The following ARHGAP42 variants were observed in gnomAD, a reference collection of about 807,000 sequenced individuals.
The protein encoded by ARHGAP42 is Rho GTPase activating protein 42.
A neutral mutation model predicts 125.0 loss-of-function variants in ARHGAP42; 63 were observed. That is an observed-to-expected ratio of 0.50 (90% CI 0.41 to 0.62). The LOEUF (loss-of-function observed/expected upper bound fraction) is 0.62. Among genes scored for constraint, ARHGAP42 ranks in the 20% least tolerant of loss-of-function variants. ARHGAP42 has a pLI of 0.00. For missense variants in ARHGAP42, 766 were observed against 1,024.2 expected, an observed-to-expected ratio of 0.75 and a Z score of 3.44; for synonymous variants, 339 against 351.0, an observed-to-expected ratio of 0.97 and a Z score of 0.38.
At chr11:100,736,288 C>CA (rs143414904) in intron 1 of ARHGAP42, among the ~76,000 whole-genome samples, 6,736 of 152,264 alleles carry the variant, frequency 0.044, 299 homozygotes, top group East Asian at 0.23. Context: ...CCGTTTTCCA[C>CA]AGTAGCCTCA....
At chr11:100,727,628 G>C (rs73573395) in intron 1 of ARHGAP42, among the ~76,000 whole-genome samples, 1 of 152,110 alleles carries the variant, frequency 6.6e-6, no homozygotes, top group Non-Finnish European at 1.5e-5. Flanking sequence ...ATGAGGTTCC[G>C]GGAGCTTCCG....
At chr11:100,852,906 C>A (rs1250606926) in intron 3 of ARHGAP42, among the ~76,000 whole-genome samples, 3 of 152,106 alleles carry the variant, frequency 2.0e-5, no homozygotes, top group African/African-American at 7.2e-5. Flanking sequence ...AGTAACCTTA[C>A]CAGTATCCCC....
chr11:100,972,018 G>C (rs114016808), intron 17 of ARHGAP42, among the ~76,000 whole-genome samples: 1,699 of 152,246 alleles, frequency 0.011, 33 homozygotes, highest in African/African-American at 0.038. Flanking sequence ...AGGAAACTTG[G>C]AATGAAACTC....
chr11:100,937,631 A>G (rs1288041712), intron 8 of ARHGAP42, among the ~76,000 whole-genome samples: 1 of 152,180 alleles, frequency 6.6e-6, no homozygotes, highest in Admixed American at 6.6e-5. Context: ...AGGAGGTACC[A>G]TCCTTGGATT....
chr11:100,841,453 T>C (rs1470889481), intron 3 of ARHGAP42, among the ~76,000 whole-genome samples: 1 of 152,180 alleles, frequency 6.6e-6, no homozygotes, highest in African/African-American at 2.4e-5. Flanking sequence ...TATAACACTT[T>C]TATGAATAGC....
At chr11:100,842,481 T>A (rs141576205) in intron 3 of ARHGAP42, among the ~76,000 whole-genome samples, 132 of 152,234 alleles carry the variant, frequency 8.7e-4, no homozygotes, top group African/African-American at 2.9e-3. Flanking sequence ...GACAATTAGC[T>A]TCCAGGGCCC....
At chr11:100,773,396 G>C (rs1422018033) in intron 2 of ARHGAP42, among the ~76,000 whole-genome samples, 1 of 152,128 alleles carries the variant, frequency 6.6e-6, no homozygotes, top group East Asian at 1.9e-4. Flanking sequence ...GGTTTCCACA[G>C]ATGATATAAT....
rs1377622942 is a variant in ARHGAP42 at position 100,811,943 on chromosome 11, A to T, written c.312+16777A>T. On this transcript the variant is annotated intron_variant, in intron 3 of 23. Transcript: ENST00000298815. Reference sequence around the variant, plus strand: ...CTGATTTCTTTTCAATTTCTTTTTTAAAACAATTTTTTAATGTTATATTTT... The same window carrying T: ...CTGATTTCTTTTCAATTTCTTTTTTTAAACAATTTTTTAATGTTATATTTT... Among the ~76,000 whole-genome samples the T allele has an allele frequency of 3.3e-5, 5 of 152,176 alleles. No individual in the cohort carries two copies. In the South Asian group the frequency reaches 1.0e-3, roughly 32 times the overall value.
Position 100,859,614 on chromosome 11 carries a change from G to A in ARHGAP42, c.373G>A (p.Gly125Ser). 1 of 1,499,594 alleles carries A rather than the reference G, an allele frequency of 6.7e-7. No individual in the cohort carries two copies. Among genetic ancestry groups the A allele is most frequent in the Non-Finnish European group, 8.9e-7 (1 of 1,124,732 alleles). 92.9% of individuals were successfully genotyped at this position (1,499,594 alleles called of 1,614,324 possible). The change falls in exon 4 of 24, where the codon GGT (glycine) becomes AGT (serine). Residue 125 changes from glycine to serine, a missense_variant. Physicochemically the swap from Gly to Ser is moderately conservative, Grantham distance 56 (BLOSUM62 0). Transcript: ENST00000298815. The part of the protein sequence containing the change: ...PLEKFRKEQI[G>S]AAKDGKKKFD... ...TGAGAAATTTCGAAAAGAACAGATA[G>A]GTGCAGCAAAAGTAAGTGTTACATT...
At chr11:100,837,409 G>A (rs1864815848) in intron 3 of ARHGAP42, among the ~76,000 whole-genome samples, 1 of 151,886 alleles carries the variant, frequency 6.6e-6, no homozygotes, top group South Asian at 2.1e-4. Context: ...TGTCCGTAAG[G>A]CTAGTTTAGG....
intron 4 of ARHGAP42, 106 bp from the exon 5 acceptor site, chr11:100,913,346 C>G (rs887127668): frequency 2.7e-6 from 1 of 371,270 alleles, no homozygotes; most frequent in Non-Finnish European, 4.9e-6. Context: ...TTGGGACTCA[C>G]TGTCTTTATT....
intron 2 of ARHGAP42, among the ~76,000 whole-genome samples, chr11:100,781,749 T>C (rs566591458): frequency 1.1e-4 from 17 of 152,230 alleles, no homozygotes; most frequent in Non-Finnish European, 1.5e-4. Flanking sequence ...AGTTTTAATA[T>C]ACAGATATCT....
At chr11:100,920,818 G>A (rs1201769566) in intron 5 of ARHGAP42, among the ~76,000 whole-genome samples, 1 of 152,116 alleles carries the variant, frequency 6.6e-6, no homozygotes, top group African/African-American at 2.4e-5. Flanking sequence ...ATTTTTATTT[G>A]TCTGTTTATT....
At chr11:100,950,647 G>A (rs1857629078) in intron 12 of ARHGAP42, among the ~76,000 whole-genome samples, 1 of 151,756 alleles carries the variant, frequency 6.6e-6, no homozygotes, top group Non-Finnish European at 1.5e-5. Context: ...TTAATTACCT[G>A]CCAACTTCTT....
At chr11:100,942,364 G>A (rs1338799672) in intron 9 of ARHGAP42, among the ~76,000 whole-genome samples, 2 of 152,122 alleles carry the variant, frequency 1.3e-5, no homozygotes, top group Non-Finnish European at 2.9e-5. Flanking sequence ...GAACCCAATA[G>A]ATGCTCATTT....
intron 4 of ARHGAP42, among the ~76,000 whole-genome samples, chr11:100,903,521 TG>T (rs1264831620): frequency 6.6e-6 from 1 of 151,358 alleles, no homozygotes; most frequent in Non-Finnish European, 1.5e-5. Flanking sequence ...TGCAGAATTA[TG>T]TAACCCTAGT....
chr11:100,863,462 G>T (rs773186397), intron 4 of ARHGAP42, among the ~76,000 whole-genome samples: 16 of 152,158 alleles, frequency 1.1e-4, no homozygotes, highest in Non-Finnish European at 1.9e-4. Flanking sequence ...TAACTGCAGT[G>T]GATAAGATCC....
chr11:100,947,818 A>C (rs1268306133), intron 10 of ARHGAP42, among the ~76,000 whole-genome samples: 1 of 151,916 alleles, frequency 6.6e-6, no homozygotes, highest in African/African-American at 2.4e-5. Context: ...TGTTTCTAAT[A>C]TTTTATATCT....
chr11:100,739,383 A>G (rs1454766813), intron 1 of ARHGAP42, among the ~76,000 whole-genome samples: 1 of 152,040 alleles, frequency 6.6e-6, no homozygotes, highest in Non-Finnish European at 1.5e-5. Context: ...CCTGAGAAAC[A>G]TTTTTTCTAT....
Sources: allele counts gnomAD v4.1 joint callset (sites outside exome capture counted in the v4.1 genomes callset), GRCh38; gene constraint gnomAD v4.1.1; transcripts MANE v1.5; gene names NCBI Gene and HGNC (gene_info 2026-07-23, HGNC 2026-07-21).